The following KANK1 variants were observed in gnomAD, a reference collection of about 807,000 sequenced individuals.
The protein encoded by KANK1 is KN motif and ankyrin repeat domain-containing protein 1.
In KANK1, 109 loss-of-function variants were observed where a neutral mutation model predicts 106.2. The ratio of observed to expected loss-of-function variants is 1.03; its 90% CI spans 0.88 to 1.20. KANK1 has a LOEUF of 1.20. Among genes scored for constraint, KANK1 ranks in the 50% most tolerant of loss-of-function variants. KANK1 has a pLI of 0.00. For missense variants in KANK1, 2,399 were observed against 1,710.7 expected, an observed-to-expected ratio of 1.40 and a Z score of -7.10; for synonymous variants, 873 against 652.2, an observed-to-expected ratio of 1.34 and a Z score of -5.16.
rs759100780 is a variant in KANK1 at position 709,118 on chromosome 9, TC to T, written c.38-1684del. Among the ~76,000 whole-genome samples, 3 of 152,228 alleles carry T rather than the reference TC, an allele frequency of 2.0e-5. No individual in the cohort carries two copies. In the East Asian group the frequency reaches 5.8e-4, roughly 29 times the overall value. ...CTCATGACAATACAAAACAAGGTGT[TC>T]CTGGGATAGGGAATGTTTTGTCCAA... On this transcript the variant is annotated intron_variant, in intron 2 of 11. Coordinates refer to ENST00000382297, the MANE Select transcript of KANK1 (RefSeq NM_015158.5).
At chr9:663,101 A>G (rs913983124) in intron 1 of KANK1, among the ~76,000 whole-genome samples, 1 of 152,226 alleles carries the variant, frequency 6.6e-6, no homozygotes, top group Admixed American at 6.5e-5. Context: ...AGAGTTGATC[A>G]GAGAAGGTCA....
chr9:632,909 G>C (rs947326784), intron 1 of KANK1, among the ~76,000 whole-genome samples: 8 of 152,042 alleles, frequency 5.3e-5, no homozygotes, highest in African/African-American at 1.7e-4. Context: ...TGCCAGGCTG[G>C]TCTGGAACTC....
intron 1 of KANK1, among the ~76,000 whole-genome samples, chr9:640,118 A>C (rs78447691): frequency 0.012 from 1,807 of 152,310 alleles, 27 homozygotes; most frequent in Non-Finnish European, 0.017. Flanking sequence ...TAAGAAACCA[A>C]GAGTTTGTAT....
At position 712,479 on chromosome 9, in the gene KANK1, TAAGGAG is replaced by T; in HGVS notation, c.1715_1720del (p.Lys572_Glu573del). The T allele has an allele frequency of 6.2e-7, 1 of 1,614,064 alleles. No individual in the cohort carries two copies. Among genetic ancestry groups the T allele is most frequent in the Non-Finnish European group, 8.5e-7 (1 of 1,180,006 alleles). Reference sequence around the variant, plus strand: ...AGCTGCCTATGAATTGGTGGATTGTTAAGGAGAGGGTGGAAATGCATGACCGATGTG... The same window carrying T: ...AGCTGCCTATGAATTGGTGGATTGTTAGGGTGGAAATGCATGACCGATGTG... On this transcript the variant is annotated inframe_deletion, in exon 3 of 12. Coordinates refer to ENST00000382297, the MANE Select transcript of KANK1 (RefSeq NM_015158.5).
intron 1 of KANK1, among the ~76,000 whole-genome samples, chr9:524,134 A>T (rs12352268): frequency 6.6e-6 from 1 of 151,614 alleles, no homozygotes; most frequent in Admixed American, 6.5e-5. Flanking sequence ...GGGACTCCCA[A>T]CTTACCTGAT....
At chr9:682,031 G>A (rs1327250784) in intron 2 of KANK1, among the ~76,000 whole-genome samples, 1 of 152,052 alleles carries the variant, frequency 6.6e-6, no homozygotes, top group Non-Finnish European at 1.5e-5. Flanking sequence ...TGTAATTCCA[G>A]CACTTTGGGA....
At chr9:659,384 T>G (rs182569599) in intron 1 of KANK1, among the ~76,000 whole-genome samples, 1 of 152,264 alleles carries the variant, frequency 6.6e-6, no homozygotes, top group African/African-American at 2.4e-5. Context: ...AAAATGCAGA[T>G]TGCAGGGCCC....
At chr9:672,838 GA>G (rs1815503061) in intron 1 of KANK1, among the ~76,000 whole-genome samples, 1 of 152,112 alleles carries the variant, frequency 6.6e-6, no homozygotes, top group African/African-American at 2.4e-5. Flanking sequence ...TAGACACAAA[GA>G]CAAATTCTTT....
At chr9:608,231 G>T (rs1450382460) in intron 1 of KANK1, among the ~76,000 whole-genome samples, 1 of 150,206 alleles carries the variant, frequency 6.7e-6, no homozygotes, top group Non-Finnish European at 1.5e-5. Context: ...TAGAGACGGG[G>T]TTTCACCTTG....
At position 724,413 on chromosome 9, in the gene KANK1, A is replaced by G. The variant is rs149074270; in HGVS notation, c.2699-5638A>G. ...CTTTTGTATCTGTTTTATGGTTTCA[A>G]TAATAGTCAAAACTATCATGTATTT... is the stretch of plus-strand genomic sequence containing the variant. On this transcript the variant is annotated intron_variant, in intron 3 of 11. Transcript: ENST00000382297. Among the ~76,000 whole-genome samples the G allele has an allele frequency of 1.3e-3, 199 of 152,346 alleles. 1 individual carries two copies. Among genetic ancestry groups the G allele is most frequent in the African/African-American group, 4.1e-3 (172 of 41,576 alleles).
chr9:481,385 G>A (rs538530803), intron 3 of KANK1, among the ~76,000 whole-genome samples: 4 of 152,220 alleles, frequency 2.6e-5, no homozygotes, highest in East Asian at 1.9e-4. Context: ...GATATTTGCC[G>A]CTCCTGGACT....
chr9:646,143 C>T (rs1440672279), intron 1 of KANK1, among the ~76,000 whole-genome samples: 1 of 150,530 alleles, frequency 6.6e-6, no homozygotes, highest in Non-Finnish European at 1.5e-5. Context: ...TACAGATCTT[C>T]AGAAAATAGG....
chr9:542,326 T>G (rs2060653062), intron 1 of KANK1, among the ~76,000 whole-genome samples: 1 of 152,162 alleles, frequency 6.6e-6, no homozygotes. Flanking sequence ...TGGCAAAACC[T>G]CGTCTCTACT....
At chr9:507,809 G>A (rs931981672) in intron 1 of KANK1, among the ~76,000 whole-genome samples, 4 of 152,034 alleles carry the variant, frequency 2.6e-5, no homozygotes, top group African/African-American at 4.8e-5. Context: ...GCCCACCTCG[G>A]CCTCTCAAAG....
At chr9:521,919 A>G (rs147606504) in intron 1 of KANK1, among the ~76,000 whole-genome samples, 1 of 151,704 alleles carries the variant, frequency 6.6e-6, no homozygotes, top group East Asian at 1.9e-4. Context: ...TCCATTATTT[A>G]GAAATAGAGA....
At chr9:566,031 A>T (rs1817717255) in intron 1 of KANK1, among the ~76,000 whole-genome samples, 1 of 152,118 alleles carries the variant, frequency 6.6e-6, no homozygotes, top group Non-Finnish European at 1.5e-5. Context: ...TCCACCCTCC[A>T]TTAGGCTGCA....
intron 1 of KANK1, among the ~76,000 whole-genome samples, chr9:672,060 G>A (rs150489100): frequency 5.3e-4 from 81 of 152,288 alleles, no homozygotes; most frequent in African/African-American, 1.9e-3. Context: ...TCTACCTTAC[G>A]TATATGCATC....
chr9:717,711 G>A (rs2131179569), intron 3 of KANK1, among the ~76,000 whole-genome samples: 1 of 152,250 alleles, frequency 6.6e-6, no homozygotes, highest in South Asian at 2.1e-4. Context: ...CTGTAAATCA[G>A]TTGGATTGTT....
chr9:583,408 C>G (rs1282440024), intron 1 of KANK1, among the ~76,000 whole-genome samples: 2 of 152,102 alleles, frequency 1.3e-5, no homozygotes, highest in African/African-American at 4.8e-5. Flanking sequence ...ATTACTTCCA[C>G]TCATGACTTT....
Sources: gnomAD v4.1 joint callset for allele counts (sites outside exome capture counted in the v4.1 genomes callset) on GRCh38, gnomAD v4.1.1 for gene constraint, MANE v1.5 for transcripts, NCBI Gene and HGNC (gene_info 2026-07-23, HGNC 2026-07-21) for gene names.